Variants in SEPTIN5 observed in about 807,000 individuals in gnomAD.
SEPTIN5 encodes septin-5.
In SEPTIN5, 16 loss-of-function variants were observed where a neutral mutation model predicts 51.2. The observed-to-expected ratio is 0.31, with a 90% CI of 0.21 to 0.47. The LOEUF is 0.47. Ranked by LOEUF, SEPTIN5 falls within the 20% of genes least tolerant of loss-of-function variation. The pLI is 0.99. For missense variants in SEPTIN5, 376 were observed against 500.3 expected, an observed-to-expected ratio of 0.75 and a Z score of 2.37; for synonymous variants, 208 against 191.2, an observed-to-expected ratio of 1.09 and a Z score of -0.72.
At chr22:19,719,013 A>C in intron 2 of SEPTIN5, 48 of 508,592 alleles carry the variant, frequency 9.4e-5, no homozygotes, top group East Asian at 1.9e-4. Context: ...GCGACTCCAA[A>C]ACGCGGCGGA....
chr22:19,722,026 G>C (rs1936049647), intron 10 of SEPTIN5, 69 bp downstream of exon 10: 2 of 1,542,162 alleles, frequency 1.3e-6, no homozygotes, highest in Non-Finnish European at 8.7e-7. Context: ...ACTGAGGGCC[G>C]GTCCTGTCAG....
chr22:19,722,615 C>A lies in SEPTIN5; in HGVS notation c.*131C>A. The stretch of plus-strand genomic sequence containing the variant: ...CCCTAATTTATTCTCAGCACCACCC[C>A]CTCCCAGGTCATTGTGTCTGTTTCC... On this transcript the variant is annotated 3_prime_UTR_variant, in exon 12 of 12. Coordinates refer to ENST00000455784, the MANE Select transcript of SEPTIN5 (RefSeq NM_002688.6). The A allele has an allele frequency of 1.1e-6, 1 of 937,836 alleles. No individual in the cohort carries two copies. The highest frequency in any genetic ancestry group is 2.6e-5 in the East Asian group (1 of 37,760). 58.1% of individuals were successfully genotyped at this position (937,836 alleles called of 1,614,324 possible).
At chr22:19,720,736 C>T in intron 7 of SEPTIN5, 32 bp from the exon 8 acceptor site, 1 of 1,612,098 alleles carries the variant, frequency 6.2e-7, no homozygotes, top group Non-Finnish European at 8.5e-7. Context: ...ACTTGTCTGG[C>T]CTCAAATCTG....
At chr22:19,716,611 TC>T in intron 2 of SEPTIN5, among the ~76,000 whole-genome samples, 1 of 152,080 alleles carries the variant, frequency 6.6e-6, no homozygotes, top group Non-Finnish European at 1.5e-5. Context: ...TCCTTGAGGC[TC>T]CCCCAGGGAA....
rs1282850779 is a variant in SEPTIN5 at position 19,722,219 on chromosome 22, C to T, written c.951-18C>T. On this transcript the variant is annotated intron_variant, in intron 10 of 11. Coordinates refer to ENST00000455784, the MANE Select transcript of SEPTIN5 (RefSeq NM_002688.6). Reference sequence around the variant, plus strand: ...CCGGTGGCGCCGCCCCGCCCATCCTCCCCCCCGCCCCGCGCAGCAAACTGA... The same window carrying T: ...CCGGTGGCGCCGCCCCGCCCATCCTTCCCCCCGCCCCGCGCAGCAAACTGA... 2.1e-5 allele frequency: 30 copies of T among 1,403,544 alleles called. No individual in the cohort carries two copies. The highest frequency in any genetic ancestry group is 2.7e-5 in the Non-Finnish European group (27 of 1,017,708). 86.9% of individuals were successfully genotyped at this position (1,403,544 alleles called of 1,614,324 possible). A position where few individuals can be genotyped will look rare whatever the true frequency, so the allele number is the denominator to read the frequency against.
rs1314135844 is a variant in SEPTIN5 at position 19,716,684 on chromosome 22, A to G, written c.54+1893A>G. ...GCAGGTGGGTTGAACGCTGAGAGTG[A>G]GATTCTTGCCCTCCTGACCTGGGCC... On this transcript the variant is annotated intron_variant, in intron 2 of 11. Coordinates refer to ENST00000455784, the MANE Select transcript of SEPTIN5 (RefSeq NM_002688.6). Among the ~76,000 whole-genome samples, 23 of 152,198 alleles carry G rather than the reference A, an allele frequency of 1.5e-4. 1 individual carries two copies.
chr22:19,717,007 TGGG>T (rs920068662), intron 2 of SEPTIN5, among the ~76,000 whole-genome samples: 15 of 152,130 alleles, frequency 9.9e-5, no homozygotes, highest in Non-Finnish European at 1.8e-4. Flanking sequence ...CTGGTAGAGC[TGGG>T]GGGCCTGGAG....
chr22:19,723,265 C>A lies in SEPTIN5; in HGVS notation c.*781C>A, dbSNP rs1192183507. On this transcript the variant is annotated 3_prime_UTR_variant, in exon 12 of 12. Coordinates refer to ENST00000455784, the MANE Select transcript of SEPTIN5 (RefSeq NM_002688.6). ...CGCCACACGATGCTCCGTTTTCTTCCGTTGTGAATGCCGCGTCCTGTCCTG... is the reference window on the plus strand; with the variant it reads ...CGCCACACGATGCTCCGTTTTCTTCAGTTGTGAATGCCGCGTCCTGTCCTG... 1.5e-6 allele frequency: 1 copy of A among 683,678 alleles called. No individual in the cohort carries two copies. The highest frequency in any genetic ancestry group is 2.0e-5 in the Admixed American group (1 of 49,286). The allele number at this position is 683,678 out of a possible 1,614,324, so 42.4% of individuals were successfully genotyped here.
At chr22:19,715,513 G>A (rs1349497343) in intron 2 of SEPTIN5, among the ~76,000 whole-genome samples, 4 of 152,226 alleles carry the variant, frequency 2.6e-5, no homozygotes, top group South Asian at 4.1e-4. Context: ...GGGGTGGGGC[G>A]GGGGCTGACA....
chr22:19,720,213 G>A lies in SEPTIN5; in HGVS notation c.337G>A (p.Gly113Arg). 7 of 1,613,528 alleles carry A rather than the reference G, an allele frequency of 4.3e-6. No homozygotes were observed. The highest frequency in any genetic ancestry group is 1.1e-5 in the South Asian group (1 of 91,082). ...KLTIVDTPGF[G>R]DAVNNTECWK... ...CACCATCGTGGACACGCCGGGATTC[G>A]GGGACGCTGTCAACAACACCGAGTG... Residue 113 changes from glycine to arginine, a missense_variant, in exon 5 of 12, where the codon GGG becomes AGG. By Grantham distance (125) the Gly-to-Arg change is moderately radical. Coordinates refer to ENST00000455784, the MANE Select transcript of SEPTIN5 (RefSeq NM_002688.6).
chr22:19,720,197 G>A lies in SEPTIN5; in HGVS notation c.321G>A (p.Val107=). 6.2e-7 allele frequency: 1 copy of A among 1,613,576 alleles called. No individual in the cohort carries two copies. Among genetic ancestry groups the A allele is most frequent in the Non-Finnish European group, 8.5e-7 (1 of 1,180,010 alleles). The stretch of plus-strand genomic sequence containing the variant: ...GAGTCAAGCTGAAGCTCACCATCGT[G>A]GACACGCCGGGATTCGGGGACGCTG... The part of the protein sequence containing the change: ...EKGVKLKLTI[V]DTPGFGDAVN... The change falls in exon 5 of 12, where the codon GTG becomes GTA. Residue 107 remains valine (V), a synonymous_variant. Coordinates refer to ENST00000455784, the MANE Select transcript of SEPTIN5 (RefSeq NM_002688.6).
chr22:19,717,103 C>A (rs1935921526), intron 2 of SEPTIN5: 1 of 342,060 alleles, frequency 2.9e-6, no homozygotes, highest in African/African-American at 2.2e-5. Context: ...GTGGTCCAGG[C>A]CCCACAACAG....
rs1387423304 is a variant in SEPTIN5 at position 19,720,314 on chromosome 22, C to G, written c.363-6C>G. ...AGGCCTGGCCTCACCTCCCTCCTGC[C>G]CACAGCTGGAAGCCCATCACCGACT... On this transcript the variant is annotated splice_polypyrimidine_tract_variant and splice_region_variant and intron_variant, in intron 5 of 11. Transcript: ENST00000455784. 10 of 1,613,614 alleles carry G rather than the reference C, an allele frequency of 6.2e-6. No individual in the cohort carries two copies. Among genetic ancestry groups the G allele is most frequent in the Non-Finnish European group, 7.6e-6 (9 of 1,179,864 alleles).
At chr22:19,718,326 C>T (rs902571784) in intron 2 of SEPTIN5, 36 of 895,964 alleles carry the variant, frequency 4.0e-5, no homozygotes, top group Non-Finnish European at 4.7e-5. Flanking sequence ...TCAGCCCTGC[C>T]CTCCGCAGCC....
Position 19,714,704 on chromosome 22 carries a change from C to T in SEPTIN5, c.43+73C>T, listed in dbSNP as rs1568993444. 2.9e-5 allele frequency: 44 copies of T among 1,534,832 alleles called. No individual in the cohort carries two copies. The highest frequency in any genetic ancestry group is 3.8e-5 in the Non-Finnish European group (44 of 1,145,806). ...CGCCCGCGCGCCTCTCACCGTGTCT[C>T]TCCGTCTCTCCCCCGCCCGCCGGCC... On this transcript the variant is annotated intron_variant, in intron 1 of 11. Coordinates refer to ENST00000455784, the MANE Select transcript of SEPTIN5 (RefSeq NM_002688.6). This position sits in a 1 kb window ranked among gnomAD's most constrained non-coding sequence, Gnocchi z 5.2.
chr22:19,719,582 C>T lies in SEPTIN5; in HGVS notation c.55-20C>T, dbSNP rs765730408. ...CTGGAGAAACCTTTGTGTCCCTACC[C>T]TGTTCCATCCTGTCCCCAGGACATT... On this transcript the variant is annotated intron_variant, in intron 2 of 11. Coordinates refer to ENST00000455784, the MANE Select transcript of SEPTIN5 (RefSeq NM_002688.6). 1 of 1,602,440 alleles carries T rather than the reference C, an allele frequency of 6.2e-7. No individual in the cohort carries two copies. Among genetic ancestry groups the T allele is most frequent in the South Asian group, 1.1e-5 (1 of 90,626 alleles).
chr22:19,719,876 G>A lies in SEPTIN5; in HGVS notation c.222G>A (p.Lys74=). 3 of 1,612,878 alleles carry A rather than the reference G, an allele frequency of 1.9e-6. No individual in the cohort carries two copies. The highest frequency in any genetic ancestry group is 2.5e-6 in the Non-Finnish European group (3 of 1,179,902). The stretch of plus-strand genomic sequence containing the variant: ...TGACAGACTTGTACAAGGACCGGAA[G>A]CTGCTCAGTGCTGAGGGTGAGTGGC... The part of the protein sequence containing the change: ...LFLTDLYKDR[K]LLSAEERISQ... The change falls in exon 4 of 12, where the codon AAG becomes AAA. Residue 74 remains lysine, a synonymous_variant. Transcript: ENST00000455784.
intron 9 of SEPTIN5, 36 bp downstream of exon 9, chr22:19,721,772 G>A (rs766688849): frequency 4.4e-6 from 7 of 1,601,084 alleles, no homozygotes; most frequent in Admixed American, 1.7e-5. Context: ...TCTGGTGGGG[G>A]AAGGCTGTCC....
intron 2 of SEPTIN5, chr22:19,719,393 G>T: frequency 3.6e-6 from 2 of 563,246 alleles, no homozygotes; most frequent in Non-Finnish European, 6.4e-6. Flanking sequence ...TGGGATTGGG[G>T]CCAGGGGTGC....
Sources: allele counts gnomAD v4.1 joint callset (sites outside exome capture counted in the v4.1 genomes callset), GRCh38; gene constraint gnomAD v4.1.1; non-coding constraint Gnocchi (gnomAD v3.1); transcripts MANE v1.5; gene names NCBI Gene and HGNC (gene_info 2026-07-23, HGNC 2026-07-21).